KIAA1328: variants seen among roughly 807,000 people sequenced by gnomAD.
The protein encoded by KIAA1328 is protein hinderin.
In KIAA1328, 52 loss-of-function variants were observed where a neutral mutation model predicts 68.1. That is an observed-to-expected ratio of 0.76 (90% CI 0.61 to 0.96). The LOEUF (loss-of-function observed/expected upper bound fraction) is 0.96. Ranked by LOEUF, KIAA1328 falls within the 40% of genes least tolerant of loss-of-function variation. The pLI is 0.00. For missense variants in KIAA1328, 641 were observed against 677.6 expected (o/e 0.95, Z 0.60); for synonymous variants, 232 against 239.4 (o/e 0.97, Z 0.28).
intron 9 of KIAA1328, among the ~76,000 whole-genome samples, chr18:37,202,336 G>A (rs961234378): frequency 2.6e-5 from 4 of 152,080 alleles, no homozygotes; most frequent in African/African-American, 9.7e-5. Flanking sequence ...ATATTGGGTT[G>A]GTAATCTTTG....
At chr18:37,199,832 T>C (rs1454864051) in intron 9 of KIAA1328, among the ~76,000 whole-genome samples, 5 of 152,250 alleles carry the variant, frequency 3.3e-5, no homozygotes, top group Middle Eastern at 6.3e-3. Context: ...TGATTTTGCA[T>C]TTCTTTAATG....
intron 7 of KIAA1328, among the ~76,000 whole-genome samples, chr18:37,082,799 A>G (rs1213358414): frequency 6.6e-6 from 1 of 152,210 alleles, no homozygotes; most frequent in Non-Finnish European, 1.5e-5. Flanking sequence ...ATTTATCCAG[A>G]ATATTATTCA....
At chr18:36,960,787 C>A (rs532718971) in intron 6 of KIAA1328, among the ~76,000 whole-genome samples, 28 of 152,166 alleles carry the variant, frequency 1.8e-4, no homozygotes, top group Non-Finnish European at 3.7e-4. Flanking sequence ...AAAAGGACAT[C>A]CACACCAAAA....
At chr18:36,975,376 G>GGC (rs2052425936) in intron 6 of KIAA1328, among the ~76,000 whole-genome samples, 1 of 152,002 alleles carries the variant, frequency 6.6e-6, no homozygotes, top group East Asian at 1.9e-4. Flanking sequence ...TAGAGACGGG[G>GGC]TTTCACCGTT....
At chr18:37,192,534 T>C (rs915140007) in intron 9 of KIAA1328, among the ~76,000 whole-genome samples, 1 of 152,164 alleles carries the variant, frequency 6.6e-6, no homozygotes, top group African/African-American at 2.4e-5. Context: ...TTCTTTCTCA[T>C]GATTTTGGTT....
chr18:37,146,075 G>A (rs1023419511), intron 7 of KIAA1328, among the ~76,000 whole-genome samples: 6 of 151,954 alleles, frequency 3.9e-5, no homozygotes, highest in African/African-American at 1.5e-4. Context: ...GAAATGGGAG[G>A]ATAATACTTT....
chr18:37,176,560 A>ACAC (rs1247510498), intron 9 of KIAA1328, among the ~76,000 whole-genome samples: 1 of 152,188 alleles, frequency 6.6e-6, no homozygotes, highest in Non-Finnish European at 1.5e-5. Context: ...ATCTTGGCAC[A>ACAC]AGAGGGTGGT....
chr18:36,865,822 T>A (rs771640847), intron 4 of KIAA1328, among the ~76,000 whole-genome samples: 1 of 152,172 alleles, frequency 6.6e-6, no homozygotes, highest in Non-Finnish European at 1.5e-5. Context: ...CACTTTATAC[T>A]GTCATATCCC....
At chr18:36,955,318 T>C (rs1381466413) in intron 5 of KIAA1328, among the ~76,000 whole-genome samples, 1 of 148,100 alleles carries the variant, frequency 6.8e-6, no homozygotes, top group African/African-American at 2.5e-5. Flanking sequence ...TCTTTTCTTT[T>C]TTTTTTTTTT....
intron 6 of KIAA1328, among the ~76,000 whole-genome samples, chr18:37,017,696 CCCTTTATTGTTATAGAATG>C (rs377211649): frequency 9.2e-5 from 14 of 152,130 alleles, no homozygotes; most frequent in East Asian, 1.9e-4. Flanking sequence ...TCTAATTGAA[CCCTTTATTGTTATAGAATG>C]CCTTTCTGTC....
chr18:37,107,658 G>T (rs917084484), intron 7 of KIAA1328, among the ~76,000 whole-genome samples: 1 of 152,040 alleles, frequency 6.6e-6, no homozygotes, highest in Non-Finnish European at 1.5e-5. Context: ...TTCATTTTTA[G>T]CCTGGGCATT....
intron 7 of KIAA1328, among the ~76,000 whole-genome samples, chr18:37,156,441 A>T (rs2059154610): frequency 6.6e-6 from 1 of 151,372 alleles, no homozygotes; most frequent in African/African-American, 2.4e-5. Context: ...AAAAAAAAAA[A>T]AAAAAAAAAA....
At chr18:36,835,150 GA>G (rs2046631327) in intron 2 of KIAA1328, 83 bp from the exon 3 acceptor site, 1 of 1,182,258 alleles carries the variant, frequency 8.5e-7, no homozygotes, top group African/African-American at 1.5e-5. Flanking sequence ...CCTTAAAGTA[GA>G]GGATTCCAAG....
intron 7 of KIAA1328, among the ~76,000 whole-genome samples, chr18:37,098,291 T>G (rs1045674140): frequency 1.3e-5 from 2 of 152,256 alleles, no homozygotes; most frequent in African/African-American, 4.8e-5. Context: ...GAAGCCTTGT[T>G]GAATTTTGTC....
downstream of KIAA1328, among the ~76,000 whole-genome samples, chr18:37,228,257 G>T (rs540801449): frequency 1.3e-5 from 2 of 152,182 alleles, no homozygotes; most frequent in African/African-American, 4.8e-5. Flanking sequence ...GACAACAAAA[G>T]ACTTAGAATA....
chr18:37,222,545 C>A lies in KIAA1328; in HGVS notation c.*318C>A. The A allele has an allele frequency of 9.0e-7, 1 of 1,108,198 alleles. No homozygotes were observed. The highest frequency in any genetic ancestry group is 1.1e-6 in the Non-Finnish European group (1 of 906,642). The allele number at this position is 1,108,198 out of a possible 1,614,324, so 68.6% of individuals were successfully genotyped here. On this transcript the variant is annotated 3_prime_UTR_variant, in exon 10 of 10. Coordinates refer to ENST00000280020, the MANE Select transcript of KIAA1328 (RefSeq NM_020776.3). ...ATTCAGCCTCATTTCAAGAGTGTTTCCTTCTCAAACTTCTGCTAGAAAATG... is the reference window on the plus strand; with the variant it reads ...ATTCAGCCTCATTTCAAGAGTGTTTACTTCTCAAACTTCTGCTAGAAAATG...
At chr18:36,880,419 T>C (rs550219564) in intron 4 of KIAA1328, among the ~76,000 whole-genome samples, 1 of 152,352 alleles carries the variant, frequency 6.6e-6, no homozygotes, top group South Asian at 2.1e-4. Flanking sequence ...CCCCACCTTC[T>C]GCGTTGGTCT....
rs141295864 is a variant in KIAA1328, at chr18:37,048,523, A to C, written c.577-18367A>C. On this transcript the variant is annotated intron_variant, in intron 6 of 9. Coordinates refer to ENST00000280020, the MANE Select transcript of KIAA1328 (RefSeq NM_020776.3). ...CTTACTCTAGGTTGATACAGCACAT[A>C]TTTTTTAGTCATCCAATACAATCTC... Among the ~76,000 whole-genome samples, 200 of 152,242 alleles carry C rather than the reference A, an allele frequency of 1.3e-3. 3 individuals are homozygous for C. Among genetic ancestry groups the C allele is most frequent in the South Asian group, 0.013 (61 of 4,828 alleles).
chr18:36,918,665 T>C (rs111284375), intron 5 of KIAA1328, among the ~76,000 whole-genome samples: 1 of 152,196 alleles, frequency 6.6e-6, no homozygotes, highest in Non-Finnish European at 1.5e-5. Context: ...TCCTCCTGCC[T>C]TGGCCTCCCA....
Sources: allele counts gnomAD v4.1 joint callset (sites outside exome capture counted in the v4.1 genomes callset), GRCh38; gene constraint gnomAD v4.1.1; transcripts MANE v1.5; gene names NCBI Gene and HGNC (gene_info 2026-07-23, HGNC 2026-07-21).